The following SLC35F3 variants were observed in gnomAD, a reference collection of about 807,000 sequenced individuals.
SLC35F3 encodes solute carrier family 35 member F3, also known as putative thiamine transporter SLC35F3.
A neutral mutation model predicts 49.9 loss-of-function variants in SLC35F3; 25 were observed. That is an observed-to-expected ratio of 0.50 (90% CI 0.37 to 0.70). The LOEUF is 0.70. Among genes scored for constraint, SLC35F3 ranks in the 30% least tolerant of loss-of-function variants. SLC35F3 has a pLI of 0.00. For synonymous variants in SLC35F3, 275 were observed against 265.4 expected, an observed-to-expected ratio of 1.04 and a Z score of -0.35; for missense variants, 525 against 639.8, an observed-to-expected ratio of 0.82 and a Z score of 1.94.
intron 2 of SLC35F3, among the ~76,000 whole-genome samples, chr1:234,003,715 A>G (rs567359083): frequency 1.3e-5 from 2 of 152,324 alleles, no homozygotes; most frequent in South Asian, 4.1e-4. Flanking sequence ...GTTCCAGGCT[A>G]AGGGAAGTTG....
chr1:233,947,606 A>G (rs1035712746), intron 2 of SLC35F3, among the ~76,000 whole-genome samples: 2 of 151,422 alleles, frequency 1.3e-5, no homozygotes, highest in African/African-American at 4.9e-5. Flanking sequence ...CTAGATAATT[A>G]GGAAAAATTA....
chr1:234,265,492 C>T (rs1667966053), intron 3 of SLC35F3, among the ~76,000 whole-genome samples: 1 of 151,952 alleles, frequency 6.6e-6, no homozygotes, highest in Admixed American at 6.6e-5. Flanking sequence ...TTTCTGATGC[C>T]TGTCTTTCCC....
At chr1:234,217,326 T>TA (rs1667137078) in intron 2 of SLC35F3, among the ~76,000 whole-genome samples, 3 of 152,230 alleles carry the variant, frequency 2.0e-5, no homozygotes, top group Non-Finnish European at 4.4e-5. Flanking sequence ...CCAACCCTAC[T>TA]CTGTGTCCTG....
chr1:234,121,866 A>C (rs1665582572), intron 2 of SLC35F3, among the ~76,000 whole-genome samples: 2 of 152,194 alleles, frequency 1.3e-5, no homozygotes, highest in African/African-American at 2.4e-5. Context: ...TTCCAGCTAC[A>C]TCCACATCGC....
At chr1:234,240,437 T>A (rs571178575) in intron 3 of SLC35F3, among the ~76,000 whole-genome samples, 11 of 151,906 alleles carry the variant, frequency 7.2e-5, no homozygotes, top group African/African-American at 2.7e-4. Flanking sequence ...AAACCCCATC[T>A]CTACAGAAAA....
intron 2 of SLC35F3, among the ~76,000 whole-genome samples, chr1:233,932,125 A>T (rs1272553368): frequency 6.6e-6 from 1 of 152,104 alleles, no homozygotes; most frequent in East Asian, 1.9e-4. Context: ...GGCGGGGAAC[A>T]TCACACACCG....
intron 2 of SLC35F3, among the ~76,000 whole-genome samples, chr1:234,217,336 G>A (rs527641926): frequency 6.6e-6 from 1 of 152,334 alleles, no homozygotes; most frequent in East Asian, 1.9e-4. Context: ...TCTGTGTCCT[G>A]TGACAATTTA....
intron 2 of SLC35F3, among the ~76,000 whole-genome samples, chr1:233,912,718 A>T (rs1661901477): frequency 6.6e-6 from 1 of 152,210 alleles, no homozygotes; most frequent in Non-Finnish European, 1.5e-5. Context: ...CAAAGGGATG[A>T]TTCACATCCT....
intron 3 of SLC35F3, among the ~76,000 whole-genome samples, chr1:234,300,528 G>A (rs1014817122): frequency 9.9e-5 from 15 of 152,226 alleles, no homozygotes; most frequent in South Asian, 2.1e-4. Context: ...TGAAGCAAAA[G>A]TATAACAACC....
chr1:234,254,369 T>TTCCAGAGG (rs1667785082), intron 3 of SLC35F3, among the ~76,000 whole-genome samples: 1 of 152,240 alleles, frequency 6.6e-6, no homozygotes, highest in South Asian at 2.1e-4. Context: ...GGCCTCTTCT[T>TTCCAGAGG]TCCAGAGGTC....
intron 2 of SLC35F3, among the ~76,000 whole-genome samples, chr1:234,117,590 T>TAAA (rs34058556): frequency 2.4e-4 from 32 of 136,050 alleles, no homozygotes; most frequent in East Asian, 1.1e-3. Context: ...AGACCCTGTC[T>TAAA]AAAAAAAAAA....
At chr1:234,130,331 C>G (rs942599065) in intron 2 of SLC35F3, among the ~76,000 whole-genome samples, 2 of 152,142 alleles carry the variant, frequency 1.3e-5, no homozygotes, top group African/African-American at 4.8e-5. Flanking sequence ...CACACCCACA[C>G]AGTAATTTTA....
At chr1:234,235,844 G>A (rs1207443380) in intron 3 of SLC35F3, among the ~76,000 whole-genome samples, 1 of 152,214 alleles carries the variant, frequency 6.6e-6, no homozygotes, top group Non-Finnish European at 1.5e-5. Context: ...GGCCCGGTGT[G>A]TGTACCTTGC....
At chr1:234,286,137 G>C (rs60241111) in intron 3 of SLC35F3, among the ~76,000 whole-genome samples, 29,846 of 152,100 alleles carry the variant, frequency 0.2, 3,091 homozygotes, top group African/African-American at 0.22. Context: ...TTTAAGATAG[G>C]TGTTATTATC....
intron 2 of SLC35F3, among the ~76,000 whole-genome samples, chr1:234,108,735 ATCT>A (rs1558231818): frequency 0.018 from 1,597 of 87,130 alleles, 66 homozygotes; most frequent in South Asian, 0.074. Context: ...AAATATATAT[ATCT>A]TTTATATATA....
At chr1:234,305,383 C>CTTTT (rs60208203) in intron 3 of SLC35F3, among the ~76,000 whole-genome samples, 1 of 124,272 alleles carries the variant, frequency 8.0e-6, no homozygotes. Flanking sequence ...AGCAGTATTG[C>CTTTT]TTTTTTTTTT....
intron 3 of SLC35F3, among the ~76,000 whole-genome samples, chr1:234,245,981 G>A (rs1667625472): frequency 1.3e-5 from 2 of 152,204 alleles, no homozygotes; most frequent in South Asian, 4.2e-4. Context: ...AAGGGGGAGG[G>A]GGACATCAAC....
At chr1:233,911,010 T>C (rs1661865627) in intron 2 of SLC35F3, among the ~76,000 whole-genome samples, 1 of 152,156 alleles carries the variant, frequency 6.6e-6, no homozygotes, top group African/African-American at 2.4e-5. Flanking sequence ...GGAGGTTTTC[T>C]AGTTCAAGCT....
chr1:234,180,685 G>A (rs939409988), intron 2 of SLC35F3, among the ~76,000 whole-genome samples: 2 of 152,210 alleles, frequency 1.3e-5, no homozygotes, highest in Non-Finnish European at 2.9e-5. Flanking sequence ...AAAGGCACCT[G>A]AGAGTGGATT....
Sources: gnomAD v4.1 joint callset for allele counts (sites outside exome capture counted in the v4.1 genomes callset) on GRCh38, gnomAD v4.1.1 for gene constraint, MANE v1.5 for transcripts, NCBI Gene and HGNC (gene_info 2026-07-23, HGNC 2026-07-21) for gene names.